LURAP1L: variants seen among roughly 807,000 people sequenced by gnomAD.
The protein encoded by LURAP1L is leucine rich adaptor protein 1-like.
A neutral mutation model predicts 13.8 loss-of-function variants in LURAP1L; 12 were observed. The observed-to-expected ratio is 0.87, with a 90% CI of 0.56 to 1.41. LURAP1L has a LOEUF of 1.41. Among genes scored for constraint, LURAP1L ranks in the 40% most tolerant of loss-of-function variants. The pLI is 0.00. For missense variants in LURAP1L, 375 were observed against 292.9 expected (o/e 1.28, Z -2.04); for synonymous variants, 139 against 119.2 (o/e 1.17, Z -1.08).
intron 1 of LURAP1L, among the ~76,000 whole-genome samples, chr9:12,806,791 C>T (rs1819663546): frequency 6.6e-6 from 1 of 151,576 alleles, no homozygotes; most frequent in African/African-American, 2.4e-5. Flanking sequence ...TAATGTTCTT[C>T]ATTTGAGGTG....
chr9:12,776,841 A>T (rs16929505), intron 1 of LURAP1L, among the ~76,000 whole-genome samples: 7,386 of 152,132 alleles, frequency 0.049, 610 homozygotes, highest in African/African-American at 0.17. Context: ...TCATTCTGGA[A>T]GTATTTAGAC....
intron 1 of LURAP1L, among the ~76,000 whole-genome samples, chr9:12,784,183 G>A (rs1819316464): frequency 6.6e-6 from 1 of 152,090 alleles, no homozygotes; most frequent in Non-Finnish European, 1.5e-5. Context: ...GTCACTCTGG[G>A]ATTGGTTACT....
intron 1 of LURAP1L, among the ~76,000 whole-genome samples, chr9:12,800,871 G>C (rs1402779122): frequency 6.6e-6 from 1 of 152,116 alleles, no homozygotes; most frequent in Admixed American, 6.5e-5. Context: ...TGTGAGAACA[G>C]ACTAATACAC....
At chr9:12,815,443 T>C (rs772259940) in intron 1 of LURAP1L, among the ~76,000 whole-genome samples, 9 of 152,190 alleles carry the variant, frequency 5.9e-5, no homozygotes, top group Non-Finnish European at 1.3e-4. Flanking sequence ...GAACGATGAT[T>C]AGTTTCTCCT....
rs942610655 is a variant in LURAP1L, at chr9:12,808,333, TG to T, written c.313-13051del. Among the ~76,000 whole-genome samples the T allele has an allele frequency of 3.6e-4, 55 of 152,266 alleles. 1 individual carries two copies. The highest frequency in any genetic ancestry group is 1.3e-3 in the African/African-American group (52 of 41,580). ...TTTACTACTTCACTTTAAAAAATTGTGGCAAAATATATATAACATAAAATAT... is the reference window on the plus strand; with the variant it reads ...TTTACTACTTCACTTTAAAAAATTGTGCAAAATATATATAACATAAAATAT... On this transcript the variant is annotated intron_variant, in intron 1 of 1. Coordinates refer to ENST00000319264, the MANE Select transcript of LURAP1L (RefSeq NM_203403.2).
chr9:12,784,451 A>G (rs1176651254), intron 1 of LURAP1L, among the ~76,000 whole-genome samples: 1 of 152,216 alleles, frequency 6.6e-6, no homozygotes, highest in Non-Finnish European at 1.5e-5. Context: ...GCAGACTAAC[A>G]GAGGTAGCAC....
At position 12,781,551 on chromosome 9, in the gene LURAP1L, C is replaced by T. The variant is rs76426487; in HGVS notation, c.312+5524C>T. ...TGACTTATTTCACTTGTCACGAAATCCTCCACTTCCATCCATGTTGTTGCA... is the reference window on the plus strand; with the variant it reads ...TGACTTATTTCACTTGTCACGAAATTCTCCACTTCCATCCATGTTGTTGCA... On this transcript the variant is annotated intron_variant, in intron 1 of 1. Transcript: ENST00000319264. Among the ~76,000 whole-genome samples the T allele has an allele frequency of 2.4e-4, 37 of 152,296 alleles. 1 individual carries two copies. In the East Asian group the frequency reaches 6.8e-3, roughly 28 times the overall value.
chr9:12,785,265 C>G (rs547192997), intron 1 of LURAP1L, among the ~76,000 whole-genome samples: 8 of 152,138 alleles, frequency 5.3e-5, no homozygotes, highest in African/African-American at 1.7e-4. Context: ...TCTTTACTCT[C>G]CCCTCTTTTC....
At chr9:12,818,397 A>G (rs1397715178) in intron 1 of LURAP1L, among the ~76,000 whole-genome samples, 1 of 152,320 alleles carries the variant, frequency 6.6e-6, no homozygotes. Context: ...TCCTAAAATT[A>G]TGGCTATTTC....
chr9:12,778,894 C>G (rs1028319576), intron 1 of LURAP1L, among the ~76,000 whole-genome samples: 8 of 152,156 alleles, frequency 5.3e-5, no homozygotes, highest in African/African-American at 1.9e-4. Context: ...AGATATGTTC[C>G]AAGACCTCCA....
At chr9:12,812,638 A>C (rs141427539) in intron 1 of LURAP1L, among the ~76,000 whole-genome samples, 1 of 152,208 alleles carries the variant, frequency 6.6e-6, no homozygotes, top group African/African-American at 2.4e-5. Flanking sequence ...TAATTATAGT[A>C]TCAAGAAATT....
intron 1 of LURAP1L, among the ~76,000 whole-genome samples, chr9:12,811,137 A>G (rs781224290): frequency 1.3e-5 from 2 of 152,172 alleles, no homozygotes; most frequent in African/African-American, 2.4e-5. Flanking sequence ...TTTTTCTCCT[A>G]CTGAGGCCAA....
rs529133723 is a variant in LURAP1L, at chr9:12,821,829, T to C, written c.*69T>C. ...TATCCTTCTTCTCCGCTGCTATATT[T>C]TTGGTGTGATTTTTATTTTAATAAG... On this transcript the variant is annotated 3_prime_UTR_variant, in exon 2 of 2. Transcript: ENST00000319264. 6.0e-6 allele frequency: 9 copies of C among 1,506,228 alleles called. No homozygotes were observed. In the South Asian group the frequency reaches 1.1e-4, roughly 18 times the overall value. The allele number at this position is 1,506,228 out of a possible 1,614,324, so 93.3% of individuals were successfully genotyped here. A position where few individuals can be genotyped will look rare whatever the true frequency, so the allele number is the denominator to read the frequency against.
At chr9:12,817,380 G>T (rs554544605) in intron 1 of LURAP1L, among the ~76,000 whole-genome samples, 53 of 152,272 alleles carry the variant, frequency 3.5e-4, no homozygotes, top group Non-Finnish European at 7.1e-4. Context: ...ATAGAGTGGT[G>T]ACCAGGAAAG....
At chr9:12,803,982 TTAAAAA>T (rs2118519703) in intron 1 of LURAP1L, among the ~76,000 whole-genome samples, 1 of 152,324 alleles carries the variant, frequency 6.6e-6, no homozygotes, top group Non-Finnish European at 1.5e-5. Flanking sequence ...CAGAAACCTA[TTAAAAA>T]TAAAGAGCAA....
intron 1 of LURAP1L, among the ~76,000 whole-genome samples, chr9:12,810,661 A>G (rs908914500): frequency 4.6e-5 from 7 of 152,228 alleles, no homozygotes; most frequent in African/African-American, 1.4e-4. Flanking sequence ...AATGGCAGAT[A>G]CTATTATTAA....
chr9:12,807,755 T>A (rs1055136477), intron 1 of LURAP1L, among the ~76,000 whole-genome samples: 1 of 148,768 alleles, frequency 6.7e-6, no homozygotes, highest in Non-Finnish European at 1.5e-5. Context: ...TCATTCATTC[T>A]TACTTTTTTC....
At chr9:12,820,514 CAAAAAAAAAAAAGGA>C (rs1819861924) in intron 1 of LURAP1L, among the ~76,000 whole-genome samples, 3 of 41,714 alleles carry the variant, frequency 7.2e-5, no homozygotes, top group Non-Finnish European at 1.6e-4. Flanking sequence ...CCCCCCCCCC[CAAAAAAAAAAAAGGA>C]CCACACACCT....
intron 1 of LURAP1L, among the ~76,000 whole-genome samples, chr9:12,787,011 A>G (rs950863839): frequency 6.6e-6 from 1 of 152,156 alleles, no homozygotes; most frequent in Non-Finnish European, 1.5e-5. Context: ...TAAATTCACA[A>G]AAAGATTTTG....
Sources: gnomAD v4.1 joint callset for allele counts (sites outside exome capture counted in the v4.1 genomes callset) on GRCh38, gnomAD v4.1.1 for gene constraint, MANE v1.5 for transcripts, NCBI Gene and HGNC (gene_info 2026-07-23, HGNC 2026-07-21) for gene names.